The following FHIP1A variants were observed in gnomAD, a reference collection of about 807,000 sequenced individuals.
The protein encoded by FHIP1A is FHF complex subunit HOOK-interacting protein 1A.
A neutral mutation model predicts 88.6 loss-of-function variants in FHIP1A; 61 were observed. That is an observed-to-expected ratio of 0.69 (90% confidence interval 0.56 to 0.85). The LOEUF is 0.85. Ranked by LOEUF, FHIP1A falls within the 40% of genes least tolerant of loss-of-function variation. FHIP1A has a pLI of 0.00. For synonymous variants in FHIP1A, 478 were observed against 496.0 expected (o/e 0.96, Z 0.48); for missense variants, 1,154 against 1,273.5 (o/e 0.91, Z 1.43).
intron 1 of FHIP1A, among the ~76,000 whole-genome samples, chr4:151,446,835 T>C (rs1368179943): frequency 1.3e-5 from 2 of 152,126 alleles, no homozygotes; most frequent in Non-Finnish European, 2.9e-5. Context: ...GCTCTGCTGA[T>C]AGATAGCTGT....
intron 4 of FHIP1A, among the ~76,000 whole-genome samples, chr4:151,575,688 A>G (rs1211671634): frequency 6.6e-6 from 1 of 152,204 alleles, no homozygotes; most frequent in East Asian, 1.9e-4. Flanking sequence ...GGAAGTCAAT[A>G]GAGATTATAC....
chr4:151,570,058 A>G (rs796567485), intron 4 of FHIP1A, among the ~76,000 whole-genome samples: 9 of 152,262 alleles, frequency 5.9e-5, no homozygotes, highest in African/African-American at 2.2e-4. Flanking sequence ...TCAAACCCAG[A>G]TCTGTCTGGT....
intron 3 of FHIP1A, among the ~76,000 whole-genome samples, chr4:151,523,251 A>C (rs779262040): frequency 6.6e-6 from 1 of 152,172 alleles, no homozygotes; most frequent in Non-Finnish European, 1.5e-5. Flanking sequence ...TGGGCTTAAC[A>C]TTGTGGAGTG....
At position 151,577,458 on chromosome 4, in the gene FHIP1A, A is replaced by G. The variant is rs1476957760; in HGVS notation, c.114A>G (p.Lys38=). 1.2e-5 allele frequency: 18 copies of G among 1,530,504 alleles called. No individual in the cohort carries two copies. The highest frequency in any genetic ancestry group is 2.8e-5 in the African/African-American group (2 of 72,218). The allele number at this position is 1,530,504 out of a possible 1,614,324, so 94.8% of individuals were successfully genotyped here. A position where few individuals can be genotyped will look rare whatever the true frequency, so the allele number is the denominator to read the frequency against. ...VFKNHWAQVV[K]ILEKHDPLKN... ...GCTTGACTTGGTTACAGGTTGTGAA[A>G]ATCTTGGAGAAGCACGACCCCTTGA... is the stretch of plus-strand genomic sequence containing the variant. The change falls in exon 5 of 14, where the codon AAA becomes AAG. Residue 38 remains lysine, a synonymous_variant. Transcript: ENST00000435205.
At chr4:151,600,061 C>T (rs1337829368) in intron 7 of FHIP1A, among the ~76,000 whole-genome samples, 1 of 152,206 alleles carries the variant, frequency 6.6e-6, no homozygotes, top group Non-Finnish European at 1.5e-5. Flanking sequence ...TGCATTGCAT[C>T]ATCACTGCAT....
At chr4:151,601,443 A>G (rs748898660) in intron 7 of FHIP1A, among the ~76,000 whole-genome samples, 5 of 151,946 alleles carry the variant, frequency 3.3e-5, no homozygotes, top group Admixed American at 6.6e-5. Flanking sequence ...TTTAATGCAT[A>G]AGTAAATTGC....
At chr4:151,536,859 T>C (rs1732087857) in intron 3 of FHIP1A, among the ~76,000 whole-genome samples, 1 of 152,092 alleles carries the variant, frequency 6.6e-6, no homozygotes, top group African/African-American at 2.4e-5. Flanking sequence ...AGTAGTTACA[T>C]GTTTGCTTTT....
At chr4:151,619,337 G>C (rs557485611) in intron 7 of FHIP1A, among the ~76,000 whole-genome samples, 23 of 152,260 alleles carry the variant, frequency 1.5e-4, no homozygotes, top group Non-Finnish European at 2.6e-4. Flanking sequence ...TAACAGAAAA[G>C]CTAATAGAGA....
intron 2 of FHIP1A, among the ~76,000 whole-genome samples, chr4:151,474,278 G>T (rs1420231408): frequency 1.3e-5 from 2 of 152,098 alleles, no homozygotes; most frequent in African/African-American, 4.8e-5. Context: ...AAATTCACAG[G>T]TTCAAAACAT....
intron 3 of FHIP1A, among the ~76,000 whole-genome samples, chr4:151,562,608 C>T (rs1733219902): frequency 6.6e-6 from 1 of 151,978 alleles, no homozygotes; most frequent in South Asian, 2.1e-4. Flanking sequence ...AAAAATAGTT[C>T]ATCATTAGAG....
chr4:151,474,746 T>C (rs1462651936), intron 2 of FHIP1A, among the ~76,000 whole-genome samples: 1 of 152,220 alleles, frequency 6.6e-6, no homozygotes. Flanking sequence ...TCCAGTTTTA[T>C]CTTTTGGGTA....
At chr4:151,526,221 A>G (rs1232953424) in intron 3 of FHIP1A, among the ~76,000 whole-genome samples, 2 of 152,092 alleles carry the variant, frequency 1.3e-5, no homozygotes, top group East Asian at 3.9e-4. Context: ...CCCCCTTTCT[A>G]TTCCACAAAA....
intron 2 of FHIP1A, among the ~76,000 whole-genome samples, chr4:151,477,216 G>C (rs1729738709): frequency 6.6e-6 from 1 of 152,058 alleles, no homozygotes; most frequent in African/African-American, 2.4e-5. Flanking sequence ...TTGAAACATT[G>C]GTATTGCCAG....
intron 3 of FHIP1A, among the ~76,000 whole-genome samples, chr4:151,489,430 C>G (rs1353093347): frequency 2.6e-5 from 4 of 152,072 alleles, no homozygotes; most frequent in African/African-American, 9.7e-5. Context: ...TTTGACTGAG[C>G]ACGAATTTTC....
intron 7 of FHIP1A, among the ~76,000 whole-genome samples, chr4:151,589,876 C>T (rs994815046): frequency 4.6e-5 from 7 of 152,116 alleles, no homozygotes; most frequent in Admixed American, 1.3e-4. Flanking sequence ...AAACAGGGTA[C>T]TTGGTTTGAA....
In FHIP1A at chr4:151,489,176, T is replaced by C. The variant is rs186936789; in HGVS notation, c.-123+6528T>C. On this transcript the variant is annotated intron_variant, in intron 3 of 13. Coordinates refer to ENST00000435205, the MANE Select transcript of FHIP1A (RefSeq NM_001109977.3). ...ACTGGGAACCTGAAAATCCTGAAAA[T>C]CCAGCTCACAGGAGAAGGATTTAAC... 1.8e-3 allele frequency among the ~76,000 whole-genome samples: 274 copies of C among 152,164 alleles called. 3 individuals carry two copies. The highest frequency in any genetic ancestry group is 2.5e-3 in the Non-Finnish European group (169 of 68,014).
At chr4:151,542,679 A>G (rs886230320) in intron 3 of FHIP1A, among the ~76,000 whole-genome samples, 1 of 152,118 alleles carries the variant, frequency 6.6e-6, no homozygotes, top group Non-Finnish European at 1.5e-5. Flanking sequence ...CCTGGCTGTC[A>G]TTACTCGGTT....
At chr4:151,571,947 C>T (rs1733616979) in intron 4 of FHIP1A, among the ~76,000 whole-genome samples, 2 of 152,170 alleles carry the variant, frequency 1.3e-5, no homozygotes, top group Admixed American at 1.3e-4. Context: ...GTGGCTCTTG[C>T]CTGTAATCCC....
At chr4:151,568,780 C>T (rs1050942968) in intron 4 of FHIP1A, among the ~76,000 whole-genome samples, 4 of 152,092 alleles carry the variant, frequency 2.6e-5, no homozygotes, top group Middle Eastern at 3.4e-3. Context: ...GATTTTGCTA[C>T]GTTGGCTATG....
Sources: gnomAD v4.1 joint callset for allele counts (sites outside exome capture counted in the v4.1 genomes callset) on GRCh38, gnomAD v4.1.1 for gene constraint, MANE v1.5 for transcripts, NCBI Gene and HGNC (gene_info 2026-07-23, HGNC 2026-07-21) for gene names.